ZAR1: variants seen among roughly 807,000 people sequenced by gnomAD.
ZAR1 encodes zygote arrest 1.
In ZAR1, 37 loss-of-function variants were observed where a neutral mutation model predicts 38.3. The observed-to-expected ratio is 0.97, with a 90% CI of 0.74 to 1.27. The LOEUF (loss-of-function observed/expected upper bound fraction) is 1.27. Ranked by LOEUF, ZAR1 falls within the 50% of genes most tolerant of loss-of-function variation. ZAR1 has a pLI of 0.00. For missense variants in ZAR1, 651 were observed against 632.4 expected (o/e 1.03, Z -0.32); for synonymous variants, 336 against 292.0 (o/e 1.15, Z -1.53).
At chr4:48,494,034 T>A in intron 3 of ZAR1, 67 bp from the exon 4 acceptor site, 1 of 1,557,570 alleles carries the variant, frequency 6.4e-7, no homozygotes, top group Non-Finnish European at 8.7e-7. Context: ...ACTAGAAAAA[T>A]GTTGAAGTCC....
downstream of ZAR1, chr4:48,494,409 C>T: frequency 1.1e-6 from 1 of 898,594 alleles, no homozygotes; most frequent in South Asian, 1.7e-5. Context: ...TGCATAAAAT[C>T]TGTCTTTGAA....
chr4:48,492,666 A>C, intron 1 of ZAR1, 100 bp from the exon 2 acceptor site: 6 of 1,160,732 alleles, frequency 5.2e-6, no homozygotes, highest in Non-Finnish European at 7.7e-6. Context: ...TCATGATCTG[A>C]AGTTGCCAAT....
At position 48,494,078 on chromosome 4, in the gene ZAR1, C is replaced by T. The variant is rs756064909; in HGVS notation, c.1132-23C>T. On this transcript the variant is annotated intron_variant, in intron 3 of 3. Coordinates refer to ENST00000327939, the MANE Select transcript of ZAR1 (RefSeq NM_175619.3). ...CACTAAGGGTTTATCTTCTGCATGC[C>T]CTTCTGTATTTTTTTCCCCCAGAGT... 9.3e-6 allele frequency: 15 copies of T among 1,605,898 alleles called. No individual in the cohort carries two copies. The Admixed American group carries it at 2.5e-4, about 27-fold the overall frequency.
chr4:48,492,056 C>G (rs1243626311), intron 1 of ZAR1, among the ~76,000 whole-genome samples: 1 of 152,110 alleles, frequency 6.6e-6, no homozygotes, highest in Non-Finnish European at 1.5e-5. Flanking sequence ...AGGAGTGAAT[C>G]GAGAGGCCAG....
chr4:48,491,212 G>T lies in ZAR1; in HGVS notation c.921G>T (p.Ser307=). 1 of 1,234,192 alleles carries T rather than the reference G, an allele frequency of 8.1e-7. No homozygotes were observed. Among genetic ancestry groups the T allele is most frequent in the South Asian group, 4.0e-5 (1 of 25,182 alleles). 76.5% of individuals were successfully genotyped at this position (1,234,192 alleles called of 1,614,324 possible). The change falls in exon 1 of 4, where the codon TCG becomes TCT. Residue 307 remains serine (S), a synonymous_variant. Coordinates refer to ENST00000327939, the MANE Select transcript of ZAR1 (RefSeq NM_175619.3). The part of the protein sequence containing the change: ...REAAVAGEGP[S]PRSPELGKER... ...CGGCCGTCGCGGGAGAGGGGCCGTC[G>T]CCACGGAGCCCGGAGCTGGGCAAGG...
intron 2 of ZAR1, 35 bp downstream of exon 2, chr4:48,492,893 G>C (rs746923743): frequency 6.2e-7 from 1 of 1,613,976 alleles, no homozygotes; most frequent in South Asian, 1.1e-5. Flanking sequence ...TCTTCTTGCT[G>C]AAAGTGTCAA....
At chr4:48,493,997 G>A (rs931050053) in intron 3 of ZAR1, 104 bp from the exon 4 acceptor site, 3 of 1,383,088 alleles carry the variant, frequency 2.2e-6, no homozygotes, top group Non-Finnish European at 2.9e-6. Flanking sequence ...ACCTTGCTTA[G>A]AGCACATTCA....
chr4:48,495,915 A>C (rs1184539005), downstream of ZAR1, among the ~76,000 whole-genome samples: 1 of 152,200 alleles, frequency 6.6e-6, no homozygotes, highest in Non-Finnish European at 1.5e-5. Flanking sequence ...TGAATCTAGC[A>C]GCGCCAGACT....
chr4:48,495,852 A>C (rs1017341357), downstream of ZAR1, among the ~76,000 whole-genome samples: 4 of 152,354 alleles, frequency 2.6e-5, no homozygotes, highest in East Asian at 1.9e-4. Flanking sequence ...GGTAGAAAAC[A>C]ACCAGGGGGA....
At chr4:48,496,830 T>C (rs1199456199), downstream of ZAR1, among the ~76,000 whole-genome samples, 1 of 152,198 alleles carries the variant, frequency 6.6e-6, no homozygotes, top group Non-Finnish European at 1.5e-5. Flanking sequence ...AGGGAAAAAA[T>C]GCTATAAAAT....
intron 1 of ZAR1, among the ~76,000 whole-genome samples, chr4:48,491,680 A>G (rs1718447433): frequency 6.6e-6 from 1 of 152,086 alleles, no homozygotes; most frequent in African/African-American, 2.4e-5. Flanking sequence ...TGTGGCAAAA[A>G]CCCTTCAACT....
downstream of ZAR1, among the ~76,000 whole-genome samples, chr4:48,495,303 A>AT (rs1270404799): frequency 6.6e-6 from 1 of 152,250 alleles, no homozygotes; most frequent in Non-Finnish European, 1.5e-5. Context: ...TGTGCTAATT[A>AT]TGCCTCCAAT....
intron 3 of ZAR1, among the ~76,000 whole-genome samples, chr4:48,493,594 C>T (rs1228804383): frequency 6.6e-6 from 1 of 152,222 alleles, no homozygotes. Context: ...ACTACATTCG[C>T]CTCTTGTCAC....
Position 48,494,382 on chromosome 4 carries a change from C to T in ZAR1, c.*138C>T, listed in dbSNP as rs973044597. On this transcript the variant is annotated 3_prime_UTR_variant, in exon 4 of 4. Coordinates refer to ENST00000327939, the MANE Select transcript of ZAR1 (RefSeq NM_175619.3). Reference sequence around the variant, plus strand: ...AAAAAGCCTTCAAATAAAGGTATTGCAACACGATTTATACATTGCATAAAA... The same window carrying T: ...AAAAAGCCTTCAAATAAAGGTATTGTAACACGATTTATACATTGCATAAAA... 1 of 1,106,096 alleles carries T rather than the reference C, an allele frequency of 9.0e-7. No individual in the cohort carries two copies. Among genetic ancestry groups the T allele is most frequent in the Non-Finnish European group, 1.3e-6 (1 of 766,078 alleles). 68.5% of individuals were successfully genotyped at this position (1,106,096 alleles called of 1,614,324 possible).
At chr4:48,492,470 A>G (rs1718469932) in intron 1 of ZAR1, among the ~76,000 whole-genome samples, 1 of 152,200 alleles carries the variant, frequency 6.6e-6, no homozygotes, top group Non-Finnish European at 1.5e-5. Context: ...GCCTTCCTAC[A>G]GAATCCCAAA....
Position 48,491,071 on chromosome 4 carries a change from C to A in ZAR1, c.780C>A (p.Pro260=). Residue 260 remains proline, a synonymous_variant, in exon 1 of 4, where the codon CCC becomes CCA. Transcript: ENST00000327939. ...GCTGGGAGCAGCCGGCCGACGGTCCCGAGCTGCCGCCGCGAGAGGCCCAGG... is the reference window on the plus strand; with the variant it reads ...GCTGGGAGCAGCCGGCCGACGGTCCAGAGCTGCCGCCGCGAGAGGCCCAGG... The part of the protein sequence containing the change: ...RASWEQPADG[P]ELPPREAQEG... The A allele has an allele frequency of 7.6e-7, 1 of 1,310,698 alleles. No homozygotes were observed. Among genetic ancestry groups the A allele is most frequent in the Non-Finnish European group, 9.7e-7 (1 of 1,034,210 alleles). The allele number at this position is 1,310,698 out of a possible 1,614,324, so 81.2% of individuals were successfully genotyped here.
At position 48,494,386 on chromosome 4, in the gene ZAR1, A is replaced by C; in HGVS notation, c.*142A>C. The C allele has an allele frequency of 9.8e-7, 1 of 1,023,074 alleles. No homozygotes were observed. The highest frequency in any genetic ancestry group is 1.4e-6 in the Non-Finnish European group (1 of 697,476). 63.4% of individuals were successfully genotyped at this position (1,023,074 alleles called of 1,614,324 possible). A position where few individuals can be genotyped will look rare whatever the true frequency, so the allele number is the denominator to read the frequency against. On this transcript the variant is annotated 3_prime_UTR_variant, in exon 4 of 4. Transcript: ENST00000327939. ...AGCCTTCAAATAAAGGTATTGCAACACGATTTATACATTGCATAAAATCTG... is the reference window on the plus strand; with the variant it reads ...AGCCTTCAAATAAAGGTATTGCAACCCGATTTATACATTGCATAAAATCTG...
Position 48,490,455 on chromosome 4 carries a change from C to A in ZAR1, c.164C>A (p.Ser55Ter). 1 of 1,465,652 alleles carries A rather than the reference C, an allele frequency of 6.8e-7. No individual in the cohort carries two copies. The highest frequency in any genetic ancestry group is 8.9e-7 in the Non-Finnish European group (1 of 1,118,248). The allele number at this position is 1,465,652 out of a possible 1,614,324, so 90.8% of individuals were successfully genotyped here. The change falls in exon 1 of 4, where the codon TCG becomes TAG. Residue 55 changes from serine (S) to a stop codon, truncating the protein, a stop_gained. Coordinates refer to ENST00000327939, the MANE Select transcript of ZAR1 (RefSeq NM_175619.3). LOFTEE classifies it high-confidence loss of function. ...TGCCTTCCCGCCTCCTCCCCCTGCTCGGCGGGCGCGGCCTCGTTGTCCTTC... is the reference window on the plus strand; with the variant it reads ...TGCCTTCCCGCCTCCTCCCCCTGCTAGGCGGGCGCGGCCTCGTTGTCCTTC... Reference protein sequence around the residue: ...RGCLPASSPCSAGAASLSFPG... With the variant: ...RGCLPASSPC
chr4:48,491,419 T>G (rs996247498), intron 1 of ZAR1, among the ~76,000 whole-genome samples, 165 bp downstream of exon 1: 2 of 152,200 alleles, frequency 1.3e-5, no homozygotes, highest in African/African-American at 2.4e-5. Context: ...GTGTCTTCCT[T>G]GACAGCACAG....
Sources: allele counts gnomAD v4.1 joint callset (sites outside exome capture counted in the v4.1 genomes callset), GRCh38; gene constraint gnomAD v4.1.1; transcripts MANE v1.5; gene names NCBI Gene and HGNC (gene_info 2026-07-23, HGNC 2026-07-21).